ABI2: variants seen among roughly 807,000 people sequenced by gnomAD.
The protein encoded by ABI2 is abl interactor 2, also known as abelson interactor 2.
A neutral mutation model predicts 59.2 loss-of-function variants in ABI2; 25 were observed. The ratio of observed to expected loss-of-function variants is 0.42; its 90% CI spans 0.31 to 0.59. The LOEUF (loss-of-function observed/expected upper bound fraction) is 0.59, where lower values mean the gene tolerates loss of function less well. Ranked by LOEUF, ABI2 falls within the 20% of genes least tolerant of loss-of-function variation. ABI2 has a pLI of 0.14. For synonymous variants in ABI2, 213 were observed against 235.5 expected (o/e 0.90, Z 0.87); for missense variants, 545 against 681.8 (o/e 0.80, Z 2.23).
In ABI2 at chr2:203,380,282, G is replaced by A. The variant is rs776742630; in HGVS notation, c.360G>A (p.Arg120=). ...TGACTACCAATAAAAACACTTCAAG[G>A]ACACATAAGATTATTGCTCCAGCCA... The part of the protein sequence containing the change: ...GILTTNKNTS[R]THKIIAPANL... The change falls in exon 3 of 12, where the codon AGG becomes AGA. Residue 120 remains arginine, a synonymous_variant. Coordinates refer to ENST00000261018, the MANE Select transcript of ABI2 (RefSeq NM_001375670.1). 1 of 1,608,236 alleles carries A rather than the reference G, an allele frequency of 6.2e-7. No individual in the cohort carries two copies. The highest frequency in any genetic ancestry group is 1.7e-5 in the Admixed American group (1 of 59,016).
intron 1 of ABI2, chr2:203,355,354 A>T (rs928766324): frequency 4.5e-5 from 9 of 200,474 alleles, no homozygotes; most frequent in Non-Finnish European, 7.6e-5. Flanking sequence ...AATAAAATAA[A>T]AAAAAAAATT....
chr2:203,384,300 T>TGTTTTTTTTTTG (rs1559289287), intron 4 of ABI2, among the ~76,000 whole-genome samples: 2 of 102,420 alleles, frequency 2.0e-5, no homozygotes, highest in Middle Eastern at 4.1e-3. Flanking sequence ...GTTTTTTTTT[T>TGTTTTTTTTTTG]TTTTTTTTTT....
intron 4 of ABI2, among the ~76,000 whole-genome samples, chr2:203,386,869 G>A (rs773061461): frequency 4.0e-5 from 6 of 151,874 alleles, no homozygotes; most frequent in Non-Finnish European, 7.4e-5. Context: ...TGAACTCCTG[G>A]CCTCAGGCGA....
At chr2:203,347,132 A>T (rs774424187) in intron 1 of ABI2, among the ~76,000 whole-genome samples, 11 of 152,102 alleles carry the variant, frequency 7.2e-5, no homozygotes, top group Non-Finnish European at 1.0e-4. Flanking sequence ...AGTTGGTTTT[A>T]TTGGAGCCAT....
chr2:203,385,139 C>CTTTTTTTTTTTTTTTTTTTTTTTTTT lies in ABI2; in HGVS notation c.480+2946_480+2947insTTTTTTTTTTTTTTTTTTTTTTTTTT, dbSNP rs10527327. Reference sequence around the variant, plus strand: ...TGAGCCACCGCACCCGGCTCAGATTCTTTTTTTTTTTTTGAGACAGTCTTG... The same window carrying CTTTTTTTTTTTTTTTTTTTTTTTTTT: ...TGAGCCACCGCACCCGGCTCAGATTCTTTTTTTTTTTTTTTTTTTTTTTTTTTTTTTTTTTTTTTGAGACAGTCTTG... On this transcript the variant is annotated intron_variant, in intron 4 of 11. Transcript: ENST00000261018. Among the ~76,000 whole-genome samples the CTTTTTTTTTTTTTTTTTTTTTTTTTT allele has an allele frequency of 4.6e-4, 32 of 69,962 alleles. 7 individuals carry two copies. Among genetic ancestry groups the CTTTTTTTTTTTTTTTTTTTTTTTTTT allele is most frequent in the Admixed American group, 9.6e-4 (5 of 5,224 alleles). 45.9% of individuals were successfully genotyped at this position (69,962 alleles called of 152,430 possible).
At chr2:203,334,121 A>G (rs1160928292) in intron 1 of ABI2, among the ~76,000 whole-genome samples, 1 of 151,888 alleles carries the variant, frequency 6.6e-6, no homozygotes, top group African/African-American at 2.4e-5. Context: ...TTGTATTTTT[A>G]GTAAAGACAG....
chr2:203,387,741 T>C (rs1320201331), intron 4 of ABI2, among the ~76,000 whole-genome samples: 1 of 152,388 alleles, frequency 6.6e-6, no homozygotes, highest in East Asian at 1.9e-4. Flanking sequence ...ATAGTTCTGC[T>C]ATGTTTGTAA....
intron 4 of ABI2, chr2:203,386,484 C>A: frequency 8.1e-6 from 3 of 370,992 alleles, no homozygotes; most frequent in African/African-American, 2.5e-5. Context: ...CTGTGTTGCC[C>A]AGTCTGGAAT....
chr2:203,416,404 T>G (rs908191649), intron 10 of ABI2, among the ~76,000 whole-genome samples: 2 of 152,146 alleles, frequency 1.3e-5, no homozygotes, highest in African/African-American at 4.8e-5. Flanking sequence ...CCAGCGATTC[T>G]TGTGCCTTGG....
chr2:203,345,893 C>A (rs916633035), intron 1 of ABI2, among the ~76,000 whole-genome samples: 2 of 151,438 alleles, frequency 1.3e-5, no homozygotes, highest in African/African-American at 4.8e-5. Flanking sequence ...CAAAAATTTG[C>A]TTCTGGCCGG....
At chr2:203,347,345 T>C (rs2084319956) in intron 1 of ABI2, among the ~76,000 whole-genome samples, 2 of 152,234 alleles carry the variant, frequency 1.3e-5, no homozygotes. Context: ...ACTCATCTTT[T>C]GTGTGAAATT....
chr2:203,370,981 G>A (rs766893070), intron 2 of ABI2, among the ~76,000 whole-genome samples: 39 of 152,250 alleles, frequency 2.6e-4, no homozygotes, highest in Admixed American at 8.5e-4. Context: ...GAAAAAGAAC[G>A]CTGAGTTGGC....
At chr2:203,339,580 CAAAA>C (rs943110280) in intron 1 of ABI2, among the ~76,000 whole-genome samples, 2 of 59,130 alleles carry the variant, frequency 3.4e-5, no homozygotes, top group Non-Finnish European at 7.1e-5. Flanking sequence ...GACTCCGTCT[CAAAA>C]AAAAAAAAAA....
rs576976303 is a variant in ABI2 at position 203,390,680 on chromosome 2, G to A, written c.481-366G>A. Among the ~76,000 whole-genome samples the A allele has an allele frequency of 5.9e-5, 9 of 152,028 alleles. No homozygotes were observed. In the South Asian group the frequency reaches 1.7e-3, roughly 28 times the overall value. ...TCTAAAAATAAGGAATTGCTTAAAA[G>A]CATTATTGTTTTTGATTGAGTTACT... On this transcript the variant is annotated intron_variant, in intron 4 of 11. Coordinates refer to ENST00000261018, the MANE Select transcript of ABI2 (RefSeq NM_001375670.1).
intron 4 of ABI2, among the ~76,000 whole-genome samples, chr2:203,384,603 C>T (rs2096378361): frequency 6.6e-6 from 1 of 151,894 alleles, no homozygotes; most frequent in South Asian, 2.1e-4. Context: ...AGCCACCGTG[C>T]CTGGCCAGTA....
At chr2:203,343,812 A>G (rs886191979) in intron 1 of ABI2, among the ~76,000 whole-genome samples, 4 of 152,196 alleles carry the variant, frequency 2.6e-5, no homozygotes, top group African/African-American at 4.8e-5. Context: ...TCCAAAAGTA[A>G]CAGTTTTTGT....
rs948454487 is a variant in ABI2 at position 203,429,193 on chromosome 2, A to G, written c.*1841A>G. 6 of 152,160 alleles carry G rather than the reference A, an allele frequency of 3.9e-5. No individual in the cohort carries two copies. Among genetic ancestry groups the G allele is most frequent in the Non-Finnish European group, 5.9e-5 (4 of 68,030 alleles). 9.4% of individuals were successfully genotyped at this position (152,160 alleles called of 1,614,324 possible). A position where few individuals can be genotyped will look rare whatever the true frequency, so the allele number is the denominator to read the frequency against. ...TAGCTTTCATTAACTTGCCTCCAGT[A>G]TACATTCCACTTCGTGCTTTTCTTA... On this transcript the variant is annotated 3_prime_UTR_variant, in exon 12 of 12. Coordinates refer to ENST00000261018, the MANE Select transcript of ABI2 (RefSeq NM_001375670.1).
chr2:203,373,502 A>C (rs1210165097), intron 2 of ABI2, among the ~76,000 whole-genome samples: 9 of 140,332 alleles, frequency 6.4e-5, no homozygotes, highest in Non-Finnish European at 1.2e-4. Flanking sequence ...GGAGAGGGAG[A>C]GGGAGCGGGA....
At chr2:203,389,500 A>G (rs1357351430) in intron 4 of ABI2, among the ~76,000 whole-genome samples, 1 of 152,234 alleles carries the variant, frequency 6.6e-6, no homozygotes, top group East Asian at 1.9e-4. Context: ...TGGTTTTGAT[A>G]GCCTCACTTC....
Sources: allele counts gnomAD v4.1 joint callset (sites outside exome capture counted in the v4.1 genomes callset), GRCh38; gene constraint gnomAD v4.1.1; transcripts MANE v1.5; gene names NCBI Gene and HGNC (gene_info 2026-07-23, HGNC 2026-07-21).